The following NPPC variants were observed in gnomAD, a reference collection of about 807,000 sequenced individuals.
The protein encoded by NPPC is natriuretic peptide C.
Under a neutral mutation model 10.2 loss-of-function variants are expected in NPPC, and 4 were observed. The ratio of observed to expected loss-of-function variants is 0.39; its 90% confidence interval spans 0.19 to 0.90. NPPC has a LOEUF of 0.90. NPPC is among the 40% of genes least tolerant of loss of function. The pLI is 0.37. For missense variants in NPPC, 182 were observed against 173.8 expected (o/e 1.05, Z -0.26); for synonymous variants, 83 against 87.3 (o/e 0.95, Z 0.27).
At chr2:231,925,751 G>A in intron 1 of NPPC, 36 bp from the exon 2 acceptor site, 1 of 1,490,972 alleles carries the variant, frequency 6.7e-7, no homozygotes, top group East Asian at 2.4e-5. Flanking sequence ...GAAGGGACAC[G>A]CGGCTGCAGC....
chr2:231,925,737 A>G, intron 1 of NPPC, 22 bp from the exon 2 acceptor site: 1 of 1,520,352 alleles, frequency 6.6e-7, no homozygotes, highest in Non-Finnish European at 8.8e-7. Flanking sequence ...AAGAGCGGGC[A>G]GGTGAAGGGA....
chr2:231,926,223 G>A lies in NPPC; in HGVS notation c.27C>T (p.Cys9=). The change falls in exon 1 of 3, where the codon TGC becomes TGT. Residue 9 remains cysteine (C), a synonymous_variant. Coordinates refer to ENST00000409852, the MANE Select transcript of NPPC (RefSeq NM_024409.4). Reference sequence around the variant, plus strand: ...GGGAGAGCAGCGTGAGCAGCAGGGCGCAGGCCAGCAGCTGGGAGAGATGCA... The same window carrying A: ...GGGAGAGCAGCGTGAGCAGCAGGGCACAGGCCAGCAGCTGGGAGAGATGCA... MHLSQLLA[C]ALLLTLLSLR... is the part of the protein sequence containing the mutation. The A allele has an allele frequency of 7.5e-7, 1 of 1,327,064 alleles. No individual in the cohort carries two copies. The highest frequency in any genetic ancestry group is 9.7e-7 in the Non-Finnish European group (1 of 1,035,646). 82.2% of individuals were successfully genotyped at this position (1,327,064 alleles called of 1,614,324 possible).
chr2:231,926,354 G>T lies in NPPC; in HGVS notation c.-105C>A. On this transcript the variant is annotated 5_prime_UTR_variant, in exon 1 of 3. Coordinates refer to ENST00000409852, the MANE Select transcript of NPPC (RefSeq NM_024409.4). ...GAGCAGGCTGGCTGGGCTGCAGGGC[G>T]AGCAGGGTCCCAGTGCTGCGCGGCG... 1 of 699,346 alleles carries T rather than the reference G, an allele frequency of 1.4e-6. No homozygotes were observed. The highest frequency in any genetic ancestry group is 2.0e-6 in the Non-Finnish European group (1 of 499,486). 43.3% of individuals were successfully genotyped at this position (699,346 alleles called of 1,614,324 possible). A position where few individuals can be genotyped will look rare whatever the true frequency, so the allele number is the denominator to read the frequency against.
intron 2 of NPPC, among the ~76,000 whole-genome samples, chr2:231,923,640 C>T (rs563186127): frequency 3.9e-5 from 6 of 152,256 alleles, no homozygotes; most frequent in South Asian, 2.1e-4. Context: ...AAGGTGTCGA[C>T]GGTAAGTGTT....
rs575741596 is a variant in NPPC, at chr2:231,926,156, C to G, written c.90+4G>C. 7.8e-7 allele frequency: 1 copy of G among 1,290,062 alleles called. No individual in the cohort carries two copies. The highest frequency in any genetic ancestry group is 1.5e-5 in the African/African-American group (1 of 65,058). 79.9% of individuals were successfully genotyped at this position (1,290,062 alleles called of 1,614,324 possible). A position where few individuals can be genotyped will look rare whatever the true frequency, so the allele number is the denominator to read the frequency against. ...AGGCTCGGCGTCCCCACGACAGCAC[C>G]CACCTTCGGCGGCGCCCCGGGCTTG... On this transcript the variant is annotated splice_donor_region_variant and intron_variant, in intron 1 of 2. Transcript: ENST00000409852.
At chr2:231,922,882 A>T (rs1193029868) in intron 2 of NPPC, among the ~76,000 whole-genome samples, 1 of 152,188 alleles carries the variant, frequency 6.6e-6, no homozygotes, top group Non-Finnish European at 1.5e-5. Flanking sequence ...CGGATCGGGC[A>T]TCGGCAGTGT....
intron 1 of NPPC, 92 bp from the exon 2 acceptor site, chr2:231,925,807 G>A (rs1691998956): frequency 3.6e-6 from 5 of 1,371,762 alleles, no homozygotes; most frequent in South Asian, 3.1e-5. Context: ...CCGGCGCGGG[G>A]TGTCCCTCCC....
chr2:231,926,272 G>T lies in NPPC; in HGVS notation c.-23C>A. 7.9e-7 allele frequency: 1 copy of T among 1,271,702 alleles called. No individual in the cohort carries two copies. The highest frequency in any genetic ancestry group is 9.9e-7 in the Non-Finnish European group (1 of 1,006,050). The allele number at this position is 1,271,702 out of a possible 1,614,324, so 78.8% of individuals were successfully genotyped here. ...CATGGTGCCGCTGGGGTCGAGGGGC[G>T]CACACGGGCGGCAGCGAGGGCGCGC... On this transcript the variant is annotated 5_prime_UTR_variant, in exon 1 of 3. Transcript: ENST00000409852.
At chr2:231,925,931 G>A (rs539814589) in intron 1 of NPPC, among the ~76,000 whole-genome samples, 2 of 152,304 alleles carry the variant, frequency 1.3e-5, no homozygotes, top group Admixed American at 1.3e-4. Context: ...GCTGCTCGCC[G>A]GGCAGGCCAC....
At position 231,925,396 on chromosome 2, in the gene NPPC, C is replaced by T; in HGVS notation, c.*20+9G>A. The T allele has an allele frequency of 6.4e-7, 1 of 1,573,302 alleles. No homozygotes were observed. Among genetic ancestry groups the T allele is most frequent in the Non-Finnish European group, 8.6e-7 (1 of 1,159,150 alleles). ...GGCTGGGGCTGGGCGTCGGGTGGGC[C>T]GTACTCACCGCCGCCAGGGGGCGCC... On this transcript the variant is annotated intron_variant, in intron 2 of 2. Transcript: ENST00000409852.
At chr2:231,922,483 C>A (rs1209020445) in intron 2 of NPPC, among the ~76,000 whole-genome samples, 168 bp from the exon 3 acceptor site, 1 of 152,058 alleles carries the variant, frequency 6.6e-6, no homozygotes, top group East Asian at 1.9e-4. Flanking sequence ...GGGGAGGAGC[C>A]CCCCATTGCG....
Position 231,926,381 on chromosome 2 carries a change from C to A in NPPC, c.-132G>T. ...GCAGGGTCCCAGTGCTGCGCGGCGC[C>A]GGCTGGGTGCGCTCTGAGCCCGTGA... is the stretch of plus-strand genomic sequence containing the variant. On this transcript the variant is annotated 5_prime_UTR_variant, in exon 1 of 3. Coordinates refer to ENST00000409852, the MANE Select transcript of NPPC (RefSeq NM_024409.4). 2.1e-6 allele frequency: 1 copy of A among 471,936 alleles called. No homozygotes were observed. Among genetic ancestry groups the A allele is most frequent in the South Asian group, 1.1e-4 (1 of 9,032 alleles). 29.2% of individuals were successfully genotyped at this position (471,936 alleles called of 1,614,324 possible). A position where few individuals can be genotyped will look rare whatever the true frequency, so the allele number is the denominator to read the frequency against.
chr2:231,922,593 T>C (rs1691944847), intron 2 of NPPC, among the ~76,000 whole-genome samples: 1 of 152,244 alleles, frequency 6.6e-6, no homozygotes, highest in Non-Finnish European at 1.5e-5. Context: ...GCCTTGCCCT[T>C]GGCACTCAGG....
chr2:231,924,727 C>T (rs1487562648), intron 2 of NPPC, among the ~76,000 whole-genome samples: 1 of 152,136 alleles, frequency 6.6e-6, no homozygotes, highest in African/African-American at 2.4e-5. Flanking sequence ...CCGGTTGGGT[C>T]GGGACAGGGT....
intron 2 of NPPC, among the ~76,000 whole-genome samples, chr2:231,922,543 C>T (rs571029829): frequency 2.0e-5 from 3 of 152,170 alleles, no homozygotes; most frequent in African/African-American, 7.2e-5. Context: ...GTGGAACCAG[C>T]GTGTCTGCAA....
chr2:231,924,483 A>G (rs1691971863), intron 2 of NPPC, among the ~76,000 whole-genome samples: 1 of 152,240 alleles, frequency 6.6e-6, no homozygotes, highest in African/African-American at 2.4e-5. Flanking sequence ...CAAGAAAGCG[A>G]GAAAGCCAGG....
chr2:231,922,413 C>T (rs1355400455), intron 2 of NPPC, 98 bp from the exon 3 acceptor site: 1 of 152,266 alleles, frequency 6.6e-6, no homozygotes, highest in East Asian at 1.9e-4. Context: ...CCCCTTCTCC[C>T]AGCAGCTTGA....
Position 231,925,633 on chromosome 2 carries a change from C to T in NPPC, c.173G>A (p.Gly58Glu), listed in dbSNP as rs1179084293. The T allele has an allele frequency of 6.2e-7, 1 of 1,607,808 alleles. No homozygotes were observed. The highest frequency in any genetic ancestry group is 1.3e-5 in the African/African-American group (1 of 74,736). The change falls in exon 2 of 3, where the codon GGG (glycine) becomes GAG (glutamate). Residue 58 changes from glycine (G) to glutamate (E), a missense_variant. Coordinates refer to ENST00000409852, the MANE Select transcript of NPPC (RefSeq NM_024409.4). ...GGQKKGDKAP[G>E]GGGANLKGDR... ...GCCCTTGAGATTGGCGCCCCCGCCC[C>T]CGGGAGCCTTGTCGCCCTTCTTCTG... is the stretch of plus-strand genomic sequence containing the variant.
At chr2:231,924,537 G>A (rs1235491009) in intron 2 of NPPC, among the ~76,000 whole-genome samples, 1 of 152,226 alleles carries the variant, frequency 6.6e-6, no homozygotes. Context: ...TCAGAGGCTG[G>A]GATGTTATTC....
Sources: gnomAD v4.1 joint callset for allele counts (sites outside exome capture counted in the v4.1 genomes callset) on GRCh38, gnomAD v4.1.1 for gene constraint, MANE v1.5 for transcripts, NCBI Gene and HGNC (gene_info 2026-07-23, HGNC 2026-07-21) for gene names.